Variants in NRG3 observed in about 807,000 individuals in gnomAD.
The protein encoded by NRG3 is pro-neuregulin-3, membrane-bound isoform.
A neutral mutation model predicts 66.9 loss-of-function variants in NRG3; 31 were observed. That is an observed-to-expected ratio of 0.46 (90% CI 0.35 to 0.63). The LOEUF (loss-of-function observed/expected upper bound fraction) is 0.63, where lower values mean the gene tolerates loss of function less well. NRG3 is among the 20% of genes least tolerant of loss of function. The probability of loss-of-function intolerance (pLI) is 0.00; values close to 1 mark genes in which losing one functional copy is unlikely to be tolerated. For synonymous variants in NRG3, 393 were observed against 359.4 expected (o/e 1.09, Z -1.06); for missense variants, 910 against 878.9 (o/e 1.04, Z -0.45).
intron 2 of NRG3, among the ~76,000 whole-genome samples, chr10:82,486,800 T>A (rs1269154376): frequency 6.6e-6 from 1 of 152,142 alleles, no homozygotes; most frequent in African/African-American, 2.4e-5. Flanking sequence ...GAGGGCATTA[T>A]GTTAAGTGAA....
chr10:82,481,911 C>G (rs538448525), intron 2 of NRG3, among the ~76,000 whole-genome samples: 14 of 152,002 alleles, frequency 9.2e-5, no homozygotes, highest in Non-Finnish European at 1.6e-4. Context: ...TGTTTGAACC[C>G]GGGAGGCAGA....
At chr10:82,462,976 G>A (rs571426510) in intron 2 of NRG3, among the ~76,000 whole-genome samples, 133 of 152,250 alleles carry the variant, frequency 8.7e-4, no homozygotes, top group African/African-American at 3.0e-3. Flanking sequence ...AACCCAAGAT[G>A]ACTACATTCT....
At chr10:82,136,899 A>G (rs959921131) in intron 1 of NRG3, among the ~76,000 whole-genome samples, 1 of 152,198 alleles carries the variant, frequency 6.6e-6, no homozygotes, top group African/African-American at 2.4e-5. Context: ...TCAAACACAT[A>G]GATTCTTCAT....
chr10:82,405,192 A>G (rs1431064461), intron 2 of NRG3, among the ~76,000 whole-genome samples: 2 of 152,144 alleles, frequency 1.3e-5, no homozygotes, highest in South Asian at 2.1e-4. Flanking sequence ...CACATATTAT[A>G]TTAGATATGT....
intron 3 of NRG3, among the ~76,000 whole-genome samples, chr10:82,742,947 A>G (rs2058490307): frequency 6.6e-6 from 1 of 152,064 alleles, no homozygotes; most frequent in African/African-American, 2.4e-5. Context: ...GTTCCCATCA[A>G]GATCCTGACA....
intron 4 of NRG3, among the ~76,000 whole-genome samples, chr10:82,891,205 AT>A (rs1843121023): frequency 6.6e-6 from 1 of 151,646 alleles, no homozygotes; most frequent in Non-Finnish European, 1.5e-5. Context: ...TGTTAAATCT[AT>A]AGATGAGTTT....
chr10:82,678,293 G>A (rs34583676), intron 2 of NRG3, among the ~76,000 whole-genome samples: 6,045 of 152,182 alleles, frequency 0.04, 199 homozygotes, highest in Non-Finnish European at 0.061. Context: ...GAGAGTCAGC[G>A]AAGGGAGATA....
intron 1 of NRG3, among the ~76,000 whole-genome samples, chr10:82,334,480 A>G (rs1164312198): frequency 6.6e-6 from 1 of 152,228 alleles, no homozygotes; most frequent in Non-Finnish European, 1.5e-5. Flanking sequence ...TAATAGCTCT[A>G]GAAGACAATG....
chr10:82,723,347 AAACT>A (rs1243179995), intron 2 of NRG3, among the ~76,000 whole-genome samples: 1 of 152,198 alleles, frequency 6.6e-6, no homozygotes, highest in Non-Finnish European at 1.5e-5. Context: ...AAGGGTTGAA[AAACT>A]AACTATTGGA....
intron 1 of NRG3, among the ~76,000 whole-genome samples, chr10:82,237,842 A>T (rs939468880): frequency 6.6e-6 from 1 of 152,160 alleles, no homozygotes; most frequent in Non-Finnish European, 1.5e-5. Context: ...CAAATCTAGT[A>T]ACAGGACAAA....
intron 3 of NRG3, among the ~76,000 whole-genome samples, chr10:82,806,649 T>G (rs2061296914): frequency 6.6e-6 from 1 of 152,212 alleles, no homozygotes; most frequent in South Asian, 2.1e-4. Flanking sequence ...GGAGTTGTCA[T>G]GTACCATTAG....
chr10:82,653,988 G>A (rs1416132776), intron 2 of NRG3, among the ~76,000 whole-genome samples: 2 of 152,168 alleles, frequency 1.3e-5, no homozygotes, highest in Admixed American at 6.5e-5. Flanking sequence ...AGACTCTGTG[G>A]CAGCCAAAAT....
At chr10:82,352,074 A>G (rs190234196) in intron 1 of NRG3, among the ~76,000 whole-genome samples, 6 of 152,328 alleles carry the variant, frequency 3.9e-5, no homozygotes, top group African/African-American at 1.2e-4. Flanking sequence ...CTCATCTACA[A>G]TAGTTAAAAG....
intron 3 of NRG3, among the ~76,000 whole-genome samples, chr10:82,754,177 TTATAAA>T (rs1399861420): frequency 6.6e-6 from 1 of 151,978 alleles, no homozygotes; most frequent in African/African-American, 2.4e-5. Flanking sequence ...TGTCATATTC[TTATAAA>T]TGAATGAAAA....
Position 82,146,885 on chromosome 10 carries a change from G to C in NRG3, c.824-211854G>C, listed in dbSNP as rs1424571250. On this transcript the variant is annotated intron_variant, in intron 1 of 8. Transcript: ENST00000372141. ...GGGAGGCTTCCCTGATGGAGTGTGAGGTCTGGCAGCAGGACCTGACAAAAG... is the reference window on the plus strand; with the variant it reads ...GGGAGGCTTCCCTGATGGAGTGTGACGTCTGGCAGCAGGACCTGACAAAAG... Among the ~76,000 whole-genome samples, 3 of 152,156 alleles carry C rather than the reference G, an allele frequency of 2.0e-5. No homozygotes were observed. The East Asian group carries it at 5.8e-4, about 29-fold the overall frequency.
chr10:82,865,169 AG>A (rs1239388398), intron 3 of NRG3, among the ~76,000 whole-genome samples: 2 of 152,162 alleles, frequency 1.3e-5, no homozygotes, highest in African/African-American at 4.8e-5. Context: ...ATGCAATATT[AG>A]TTCATCTAAA....
chr10:82,483,393 C>A (rs79118532), intron 2 of NRG3, among the ~76,000 whole-genome samples: 5,462 of 152,308 alleles, frequency 0.036, 106 homozygotes, highest in Non-Finnish European at 0.046. Flanking sequence ...AGCTTCCTTG[C>A]TTGGTCATCT....
At chr10:82,782,203 A>C (rs1402483120) in intron 3 of NRG3, among the ~76,000 whole-genome samples, 8 of 152,200 alleles carry the variant, frequency 5.3e-5, no homozygotes, top group African/African-American at 1.9e-4. Context: ...TGATTAAGTC[A>C]TGAGGGCTCT....
chr10:82,542,226 A>G (rs1367714828), intron 2 of NRG3, among the ~76,000 whole-genome samples: 3 of 152,180 alleles, frequency 2.0e-5, no homozygotes, highest in South Asian at 2.1e-4. Context: ...TTCCAGCTTC[A>G]TCCATGTCCC....
Sources: gnomAD v4.1 joint callset for allele counts (sites outside exome capture counted in the v4.1 genomes callset) on GRCh38, gnomAD v4.1.1 for gene constraint, MANE v1.5 for transcripts, NCBI Gene and HGNC (gene_info 2026-07-23, HGNC 2026-07-21) for gene names.